Variants in KAT6B observed in about 807,000 individuals in gnomAD.
KAT6B encodes histone acetyltransferase KAT6B.
In KAT6B, 10 loss-of-function variants were observed where a neutral mutation model predicts 187.5. The observed-to-expected ratio is 0.05, with a 90% CI of 0.03 to 0.09. KAT6B has a LOEUF of 0.09. Ranked by LOEUF, KAT6B falls within the 10% of genes least tolerant of loss-of-function variation. KAT6B has a pLI of 1.00. For synonymous variants in KAT6B, 861 were observed against 926.8 expected (o/e 0.93, Z 1.29); for missense variants, 1,952 against 2,558.9 (o/e 0.76, Z 5.12).
At chr10:74,997,736 TA>T (rs1369185060) in intron 13 of KAT6B, among the ~76,000 whole-genome samples, 1 of 152,120 alleles carries the variant, frequency 6.6e-6, no homozygotes, top group Non-Finnish European at 1.5e-5. Flanking sequence ...GAAGAAAGTG[TA>T]TATTGGTAGG....
rs868554250 is a variant in KAT6B, at chr10:74,849,281, G to A, written c.621+5803G>A. On this transcript the variant is annotated intron_variant, in intron 3 of 17. Coordinates refer to ENST00000287239, the MANE Select transcript of KAT6B (RefSeq NM_012330.4). Reference sequence around the variant, plus strand: ...ATAGACGTGAGCTACTATGCCCCATGCCTGGCCTAACTAATGACTTTTTTT... The same window carrying A: ...ATAGACGTGAGCTACTATGCCCCATACCTGGCCTAACTAATGACTTTTTTT... 2.0e-5 allele frequency among the ~76,000 whole-genome samples: 3 copies of A among 147,556 alleles called. No individual in the cohort carries two copies. The South Asian group carries it at 6.5e-4, about 32-fold the overall frequency.
Position 74,843,425 on chromosome 10 carries a change from G to A in KAT6B, c.568G>A (p.Ala190Thr), listed in dbSNP as rs537581971. 3.1e-6 allele frequency: 5 copies of A among 1,614,056 alleles called. No individual in the cohort carries two copies. In the South Asian group the frequency reaches 5.5e-5, roughly 18 times the overall value. ...CAAAGGGGCACCTCAGTATCCCAGT[G>A]CATTCCCATCCTCGCTCCCACCTGT... The part of the protein sequence containing the change: ...DGKGAPQYPS[A>T]FPSSLPPVSL... Residue 190 changes from alanine to threonine, a missense_variant, in exon 3 of 18, where the codon GCA becomes ACA. By Grantham distance (58) the Ala-to-Thr change is moderately conservative. This residue lies in a region of KAT6B where 218 missense variants were observed against 282.6 expected (regional missense o/e 0.77). Transcript: ENST00000287239.
intron 13 of KAT6B, among the ~76,000 whole-genome samples, chr10:74,992,876 C>T (rs1810435725): frequency 6.6e-6 from 1 of 152,094 alleles, no homozygotes; most frequent in African/African-American, 2.4e-5. Context: ...TTATAAACTC[C>T]CTAGTGGGTT....
rs1051836536 is a variant in KAT6B, at chr10:75,031,318, A to G, written c.*272A>G. 6.4e-6 allele frequency: 3 copies of G among 469,764 alleles called. No individual in the cohort carries two copies. The highest frequency in any genetic ancestry group is 1.2e-5 in the Non-Finnish European group (3 of 259,154). The allele number at this position is 469,764 out of a possible 1,614,324, so 29.1% of individuals were successfully genotyped here. A position where few individuals can be genotyped will look rare whatever the true frequency, so the allele number is the denominator to read the frequency against. ...AAGGAAGGCCTCTCTTTGGACTACA[A>G]TTTGGAGGCAGCCACTTGTTGTGCC... is the stretch of plus-strand genomic sequence containing the variant. On this transcript the variant is annotated 3_prime_UTR_variant, in exon 18 of 18. Coordinates refer to ENST00000287239, the MANE Select transcript of KAT6B (RefSeq NM_012330.4).
rs1846296045 is a variant in KAT6B at position 75,031,165 on chromosome 10, G to A, written c.*119G>A. 1 of 1,162,604 alleles carries A rather than the reference G, an allele frequency of 8.6e-7. No individual in the cohort carries two copies. The highest frequency in any genetic ancestry group is 2.1e-5 in the Admixed American group (1 of 47,624). 72.0% of individuals were successfully genotyped at this position (1,162,604 alleles called of 1,614,324 possible). ...GGTGTGAATGCAAAAACATTTGTTG[G>A]CACCATTTATTTAAAAAAAAAAAAA... On this transcript the variant is annotated 3_prime_UTR_variant, in exon 18 of 18. Transcript: ENST00000287239.
At chr10:74,879,354 C>T (rs551337610) in intron 3 of KAT6B, among the ~76,000 whole-genome samples, 3 of 152,260 alleles carry the variant, frequency 2.0e-5, no homozygotes, top group Middle Eastern at 3.4e-3. Flanking sequence ...CTAGTCTTTC[C>T]CCATATCCTC....
At chr10:75,022,373 C>A in intron 16 of KAT6B, 142 bp downstream of exon 16, 1 of 973,940 alleles carries the variant, frequency 1.0e-6, no homozygotes, top group Non-Finnish European at 1.7e-6. Context: ...GATCATATAT[C>A]ATAATCGTTT....
intron 8 of KAT6B, chr10:74,976,568 G>T: frequency 1.8e-6 from 1 of 569,506 alleles, no homozygotes; most frequent in Admixed American, 2.9e-5. Flanking sequence ...ATTTCCATTC[G>T]TAGTGACACT....
chr10:74,986,611 G>A (rs991623413), intron 12 of KAT6B, among the ~76,000 whole-genome samples: 1 of 151,904 alleles, frequency 6.6e-6, no homozygotes, highest in African/African-American at 2.4e-5. Context: ...CCACATATTT[G>A]GTAAAGCTTT....
At chr10:74,979,171 A>G in intron 9 of KAT6B, 53 bp from the exon 10 acceptor site, 1 of 1,321,582 alleles carries the variant, frequency 7.6e-7, no homozygotes, top group Non-Finnish European at 1.1e-6. Flanking sequence ...GAAAGAACCA[A>G]AATGTAAGTG....
At chr10:74,893,561 T>C (rs1482457173) in intron 3 of KAT6B, among the ~76,000 whole-genome samples, 1 of 151,794 alleles carries the variant, frequency 6.6e-6, no homozygotes, top group Non-Finnish European at 1.5e-5. Flanking sequence ...CCTCCATCTC[T>C]GGGGTTCAAG....
chr10:74,973,538 A>G (rs1841976011), intron 7 of KAT6B, among the ~76,000 whole-genome samples: 1 of 152,204 alleles, frequency 6.6e-6, no homozygotes, highest in Non-Finnish European at 1.5e-5. Context: ...ACAGACTCCA[A>G]GAATCTCACT....
intron 2 of KAT6B, among the ~76,000 whole-genome samples, chr10:74,842,112 C>A (rs184923642): frequency 6.6e-6 from 1 of 152,252 alleles, no homozygotes; most frequent in East Asian, 1.9e-4. Flanking sequence ...ATAGAAGTAG[C>A]TAGATGGGAA....
chr10:74,936,716 C>T (rs1457309679), intron 3 of KAT6B, among the ~76,000 whole-genome samples: 5 of 152,040 alleles, frequency 3.3e-5, no homozygotes, highest in African/African-American at 4.8e-5. Flanking sequence ...CAGGAGTGTG[C>T]GGTGTGTATA....
intron 3 of KAT6B, among the ~76,000 whole-genome samples, chr10:74,870,288 G>A (rs907021832): frequency 2.0e-5 from 3 of 152,038 alleles, no homozygotes; most frequent in Admixed American, 6.6e-5. Flanking sequence ...ACAAGACTCT[G>A]TCTCAAAAGA....
At chr10:74,917,163 G>A (rs1027387519) in intron 3 of KAT6B, among the ~76,000 whole-genome samples, 4 of 152,178 alleles carry the variant, frequency 2.6e-5, no homozygotes, top group African/African-American at 7.2e-5. Flanking sequence ...ATTCAAGTCA[G>A]CCAAGCACTT....
At chr10:74,952,846 A>ATTTTTTTTTTTTTTTT (rs34687036) in intron 3 of KAT6B, among the ~76,000 whole-genome samples, 2 of 90,520 alleles carry the variant, frequency 2.2e-5, no homozygotes, top group Non-Finnish European at 2.1e-5. Context: ...TGCCTGGCTA[A>ATTTTTTTTTTTTTTTT]TTTTTTTTTT....
upstream of KAT6B, among the ~76,000 whole-genome samples, chr10:74,825,993 A>G (rs1840174859): frequency 6.6e-6 from 1 of 151,882 alleles, no homozygotes; most frequent in African/African-American, 2.4e-5. This position sits in a 1 kb window ranked among gnomAD's most constrained non-coding sequence, Gnocchi z 5.0. Flanking sequence ...CGCACACTCC[A>G]CCGAAGGAGC....
At chr10:75,018,173 C>T (rs929965956) in intron 13 of KAT6B, among the ~76,000 whole-genome samples, 1 of 152,240 alleles carries the variant, frequency 6.6e-6, no homozygotes. Flanking sequence ...GCATGGCCTC[C>T]TGGCAGGTGT....
Sources: gnomAD v4.1 joint callset for allele counts (sites outside exome capture counted in the v4.1 genomes callset) on GRCh38, gnomAD v4.1.1 for gene constraint, gnomAD v4.1.1 regional missense constraint, Gnocchi (gnomAD v3.1) non-coding constraint, MANE v1.5 for transcripts, NCBI Gene and HGNC (gene_info 2026-07-23, HGNC 2026-07-21) for gene names.